PHF20: variants seen among roughly 807,000 people sequenced by gnomAD.
PHF20 encodes glioma-expressed antigen 2.
PHF20 carries 23 observed loss-of-function variants against 113.5 expected under a neutral mutation model. That is an observed-to-expected ratio of 0.20 (90% CI 0.15 to 0.29). The LOEUF (loss-of-function observed/expected upper bound fraction) is 0.29, where lower values mean the gene tolerates loss of function less well. Among genes scored for constraint, PHF20 ranks in the 10% least tolerant of loss-of-function variants. The pLI is 1.00. For synonymous variants in PHF20, 434 were observed against 457.3 expected (o/e 0.95, Z 0.65); for missense variants, 943 against 1,219.6 (o/e 0.77, Z 3.38).
chr20:35,906,962 G>T (rs1183192742), intron 10 of PHF20, among the ~76,000 whole-genome samples: 2 of 152,070 alleles, frequency 1.3e-5, no homozygotes, highest in African/African-American at 4.8e-5. Context: ...AGGTAGACAT[G>T]GTGAAATGAC....
chr20:35,781,342 C>T (rs1246678501), intron 1 of PHF20, among the ~76,000 whole-genome samples: 2 of 149,608 alleles, frequency 1.3e-5, no homozygotes, highest in African/African-American at 2.5e-5. Context: ...CGGGTTTCAC[C>T]GTATTAGCCA....
Position 35,869,566 on chromosome 20 carries a change from T to C in PHF20, c.922+15T>C, listed in dbSNP as rs1053655907. 6.0e-6 allele frequency: 8 copies of C among 1,328,342 alleles called. No homozygotes were observed. The highest frequency in any genetic ancestry group is 5.8e-5 in the African/African-American group (4 of 69,106). The allele number at this position is 1,328,342 out of a possible 1,614,324, so 82.3% of individuals were successfully genotyped here. A position where few individuals can be genotyped will look rare whatever the true frequency, so the allele number is the denominator to read the frequency against. ...CAAAAATTCATGTGAGTCTACAGTTTGTTTATGTGTGGCTAGAATTTGACG... is the reference window on the plus strand; with the variant it reads ...CAAAAATTCATGTGAGTCTACAGTTCGTTTATGTGTGGCTAGAATTTGACG... On this transcript the variant is annotated intron_variant, in intron 7 of 17. Transcript: ENST00000374012.
At chr20:35,823,436 C>CA (rs200101311) in intron 2 of PHF20, among the ~76,000 whole-genome samples, 837 of 65,878 alleles carry the variant, frequency 0.013, 6 homozygotes, top group Middle Eastern at 0.033. Flanking sequence ...CTTCGTCTCT[C>CA]AAAAAAAAAA....
intron 10 of PHF20, among the ~76,000 whole-genome samples, chr20:35,909,056 G>A (rs980254366): frequency 1.2e-4 from 18 of 152,074 alleles, no homozygotes; most frequent in Non-Finnish European, 2.2e-4. Flanking sequence ...AAGATTTCCA[G>A]TAAAATGTTG....
At chr20:35,804,920 G>A (rs751942355) in intron 2 of PHF20, among the ~76,000 whole-genome samples, 1 of 151,840 alleles carries the variant, frequency 6.6e-6, no homozygotes, top group Non-Finnish European at 1.5e-5. Flanking sequence ...AAACGCTGTC[G>A]AGACAGCGTC....
chr20:35,810,843 A>G (rs1229489427), intron 2 of PHF20, among the ~76,000 whole-genome samples: 1 of 152,164 alleles, frequency 6.6e-6, no homozygotes, highest in Non-Finnish European at 1.5e-5. Context: ...TGCTTTGCCA[A>G]AAACAATGGA....
chr20:35,878,489 T>C, intron 9 of PHF20: 1 of 581,140 alleles, frequency 1.7e-6, no homozygotes, highest in Non-Finnish European at 3.1e-6. Flanking sequence ...CTTTCTGAAT[T>C]CATATGATGA....
At chr20:35,941,098 C>T (rs752391279) in intron 17 of PHF20, 51 bp downstream of exon 17, 1 of 1,486,322 alleles carries the variant, frequency 6.7e-7, no homozygotes, top group Non-Finnish European at 9.2e-7. Flanking sequence ...TCGAGCACCC[C>T]CAGACGAGCT....
chr20:35,929,673 T>G (rs1202074225), intron 14 of PHF20, among the ~76,000 whole-genome samples: 1 of 152,250 alleles, frequency 6.6e-6, no homozygotes. Flanking sequence ...TTTCCTTCTT[T>G]AGAAGTCACA....
intron 1 of PHF20, among the ~76,000 whole-genome samples, chr20:35,781,572 A>G (rs1450107247): frequency 6.6e-6 from 1 of 152,104 alleles, no homozygotes; most frequent in Non-Finnish European, 1.5e-5. Flanking sequence ...CATTTTAACC[A>G]TTTTTAAGTT....
rs775546304 is a variant in PHF20 at position 35,917,643 on chromosome 20, A to G, written c.1985A>G (p.Glu662Gly). 1.1e-5 allele frequency: 18 copies of G among 1,613,692 alleles called. No individual in the cohort carries two copies. Among genetic ancestry groups the G allele is most frequent in the Non-Finnish European group, 1.5e-5 (18 of 1,179,828 alleles). Residue 662 changes from glutamate to glycine, a missense_variant, in exon 13 of 18, where the codon GAA becomes GGA. Glu to Gly is a moderately conservative substitution (Grantham distance 98, BLOSUM62 -2). Transcript: ENST00000374012. Reference sequence around the variant, plus strand: ...CGCTGCATCTGTGAGGTCCAGGAGGAAAATGACTTCATGATTCAGGTAGGC... The same window carrying G: ...CGCTGCATCTGTGAGGTCCAGGAGGGAAATGACTTCATGATTCAGGTAGGC... ...VVRCICEVQE[E>G]NDFMIQCEEC... is the part of the protein sequence containing the mutation.
At chr20:35,806,290 G>C (rs1170406767) in intron 2 of PHF20, among the ~76,000 whole-genome samples, 1 of 151,112 alleles carries the variant, frequency 6.6e-6, no homozygotes, top group Non-Finnish European at 1.5e-5. Flanking sequence ...CTTCTGAGCA[G>C]ATGGGACTAC....
chr20:35,888,947 C>G (rs1276619325), intron 9 of PHF20, among the ~76,000 whole-genome samples: 1 of 150,586 alleles, frequency 6.6e-6, no homozygotes, highest in East Asian at 1.9e-4. Context: ...GTGTGTGAGA[C>G]TGGGATTTAT....
intron 9 of PHF20, among the ~76,000 whole-genome samples, chr20:35,890,913 A>T (rs1001574045): frequency 2.6e-5 from 4 of 152,110 alleles, no homozygotes; most frequent in African/African-American, 9.7e-5. Context: ...AAAACAAAAC[A>T]AAACTAAACA....
intron 14 of PHF20, 48 bp downstream of exon 14, chr20:35,927,927 T>C: frequency 5.5e-6 from 7 of 1,272,984 alleles, no homozygotes; most frequent in Non-Finnish European, 8.1e-6. Context: ...GCCTTTTCCT[T>C]GGCACAGCTG....
intron 2 of PHF20, among the ~76,000 whole-genome samples, chr20:35,824,012 G>A (rs1432787012): frequency 1.3e-5 from 2 of 152,126 alleles, no homozygotes; most frequent in Non-Finnish European, 2.9e-5. Context: ...TCCAGTTTTG[G>A]GTTAATATGA....
chr20:35,803,472 C>T (rs889403565), intron 2 of PHF20, among the ~76,000 whole-genome samples: 2 of 150,998 alleles, frequency 1.3e-5, no homozygotes, highest in Non-Finnish European at 2.9e-5. Flanking sequence ...TACAGGCATG[C>T]ACCACGATGC....
Position 35,803,477 on chromosome 20 carries a change from C to T in PHF20, c.83+1872C>T, listed in dbSNP as rs539060294. 9.3e-5 allele frequency among the ~76,000 whole-genome samples: 14 copies of T among 151,176 alleles called. No individual in the cohort carries two copies. In the South Asian group the frequency reaches 1.1e-3, roughly 11 times the overall value. ...TTGCTGAGATTACAGGCATGCACCACGATGCCCGGCCAATTTTTTGTATTT... is the reference window on the plus strand; with the variant it reads ...TTGCTGAGATTACAGGCATGCACCATGATGCCCGGCCAATTTTTTGTATTT... On this transcript the variant is annotated intron_variant, in intron 2 of 17. Coordinates refer to ENST00000374012, the MANE Select transcript of PHF20 (RefSeq NM_016436.5).
intron 9 of PHF20, chr20:35,878,478 C>T: frequency 1.8e-6 from 1 of 568,684 alleles, no homozygotes; most frequent in East Asian, 3.0e-5. Context: ...CAGATGTTTC[C>T]CTTTCTGAAT....
Sources: gnomAD v4.1 joint callset for allele counts (sites outside exome capture counted in the v4.1 genomes callset) on GRCh38, gnomAD v4.1.1 for gene constraint, MANE v1.5 for transcripts, NCBI Gene and HGNC (gene_info 2026-07-23, HGNC 2026-07-21) for gene names.